PCDHGA5: variants seen among roughly 807,000 people sequenced by gnomAD.
PCDHGA5 encodes protocadherin gamma-A5.
Under a neutral mutation model 56.7 loss-of-function variants are expected in PCDHGA5, and 36 were observed. That is an observed-to-expected ratio of 0.64 (90% CI 0.49 to 0.84). The LOEUF is 0.84. Among genes scored for constraint, PCDHGA5 ranks in the 40% least tolerant of loss-of-function variants. The probability of loss-of-function intolerance (pLI) is 0.00; values close to 1 mark genes in which losing one functional copy is unlikely to be tolerated. For missense variants in PCDHGA5, 1,305 were observed against 1,201.5 expected, an observed-to-expected ratio of 1.09 and a Z score of -1.27; for synonymous variants, 563 against 520.2, an observed-to-expected ratio of 1.08 and a Z score of -1.12.
At chr5:141,503,598 CAAAAAAA>C (rs765754054) in intron 2 of PCDHGA5, among the ~76,000 whole-genome samples, 8 of 65,766 alleles carry the variant, frequency 1.2e-4, no homozygotes, top group South Asian at 1.1e-3. Context: ...GACTCCAGCT[CAAAAAAA>C]AAAAAAAAAG....
rs759095332 is a variant in PCDHGA5, at chr5:141,432,306, C to T, written c.2422-62501C>T. 1 of 1,614,250 alleles carries T rather than the reference C, an allele frequency of 6.2e-7. No homozygotes were observed. On this transcript the variant is annotated intron_variant, in intron 1 of 3. Coordinates refer to ENST00000518069, the MANE Select transcript of PCDHGA5 (RefSeq NM_018918.3). This position sits in a 1 kb window ranked among gnomAD's most constrained non-coding sequence, Gnocchi z 6.0. ...AACTCCGACACTGGGGTACTGTATG[C>T]GCTGAGCTCCTTCGACTACGAGCAG...
At chr5:141,468,487 G>A (rs945439990) in intron 1 of PCDHGA5, 6 of 152,110 alleles carry the variant, frequency 3.9e-5, no homozygotes, top group African/African-American at 1.4e-4. Context: ...TAGGTCTCAT[G>A]GAAGATTTTC....
intron 1 of PCDHGA5, chr5:141,441,550 G>C (rs2098254247): frequency 5.4e-6 from 1 of 184,034 alleles, no homozygotes; most frequent in Non-Finnish European, 1.1e-5. Context: ...AGCCTCCATA[G>C]TGTGCAAGTA....
chr5:141,457,111 G>A (rs922281700), intron 1 of PCDHGA5, among the ~76,000 whole-genome samples: 4 of 152,120 alleles, frequency 2.6e-5, no homozygotes, highest in South Asian at 2.1e-4. Flanking sequence ...AGCAAAATAC[G>A]ACAGCAATGG....
Position 141,489,866 on chromosome 5 carries a change from A to AGCTGGT in PCDHGA5, c.2422-4937_2422-4932dup. ...GATCGTGAAGCCCAGGCAAGACATC[A>AGCTGGT]GCTGGTGCTTACTGCTGTGGATGGG... On this transcript the variant is annotated intron_variant, in intron 1 of 3. Coordinates refer to ENST00000518069, the MANE Select transcript of PCDHGA5 (RefSeq NM_018918.3). The surrounding 1 kb of genome is among the most constrained non-coding windows in gnomAD (Gnocchi z 4.5). The AGCTGGT allele has an allele frequency of 1.2e-6, 2 of 1,614,220 alleles. No individual in the cohort carries two copies. The highest frequency in any genetic ancestry group is 1.7e-6 in the Non-Finnish European group (2 of 1,180,018).
At chr5:141,408,716 A>G in intron 1 of PCDHGA5, 2 of 1,611,732 alleles carry the variant, frequency 1.2e-6, no homozygotes, top group East Asian at 2.2e-5. Context: ...AGATTATAAG[A>G]TAAACTCTAA....
At chr5:141,509,117 G>A (rs1271574654) in intron 3 of PCDHGA5, among the ~76,000 whole-genome samples, 1 of 152,150 alleles carries the variant, frequency 6.6e-6, no homozygotes, top group Admixed American at 6.5e-5. Flanking sequence ...GCGCTGGTGC[G>A]TGAAGAGAAA....
At chr5:141,389,640 G>A in intron 1 of PCDHGA5, 1 of 1,612,974 alleles carries the variant, frequency 6.2e-7, no homozygotes, top group Non-Finnish European at 8.5e-7. Flanking sequence ...TGGCTACTTG[G>A]TGACCAAGGT....
intron 1 of PCDHGA5, chr5:141,395,094 G>A (rs192995605): frequency 6.2e-7 from 1 of 1,614,160 alleles, no homozygotes; most frequent in African/African-American, 1.3e-5. Flanking sequence ...CTCCCTCACC[G>A]CCGACTCGCG....
chr5:141,394,466 C>G lies in PCDHGA5; in HGVS notation c.2421+27715C>G, dbSNP rs765078363. 3.7e-6 allele frequency: 6 copies of G among 1,614,222 alleles called. 1 individual carries two copies. Among genetic ancestry groups the G allele is most frequent in the East Asian group, 4.5e-5 (2 of 44,878 alleles). On this transcript the variant is annotated intron_variant, in intron 1 of 3. Transcript: ENST00000518069. The stretch of plus-strand genomic sequence containing the variant: ...GCAGCAACATGTCACTGAGCCTGTT[C>G]GTGCTGGACCAGAATGACAACGCGC...
intron 1 of PCDHGA5, among the ~76,000 whole-genome samples, chr5:141,463,316 T>A (rs1290852110): frequency 1.3e-5 from 2 of 151,806 alleles, no homozygotes; most frequent in African/African-American, 2.4e-5. Flanking sequence ...TAATATCTAT[T>A]CCTCAACTCA....
Position 141,489,322 on chromosome 5 carries a change from T to C in PCDHGA5, c.2422-5485T>C. The C allele has an allele frequency of 6.2e-7, 1 of 1,601,052 alleles. No individual in the cohort carries two copies. Among genetic ancestry groups the C allele is most frequent in the Non-Finnish European group, 8.5e-7 (1 of 1,172,658 alleles). ...GTCCTTGTGCTGCTGGGGCTGGGTGTCTGGGCAGCTTCGTTACTCAGTGGT... is the reference window on the plus strand; with the variant it reads ...GTCCTTGTGCTGCTGGGGCTGGGTGCCTGGGCAGCTTCGTTACTCAGTGGT... On this transcript the variant is annotated intron_variant, in intron 1 of 3. Coordinates refer to ENST00000518069, the MANE Select transcript of PCDHGA5 (RefSeq NM_018918.3). The surrounding 1 kb of genome is among the most constrained non-coding windows in gnomAD (Gnocchi z 4.5).
intron 1 of PCDHGA5, chr5:141,398,884 G>C: frequency 6.2e-7 from 1 of 1,613,952 alleles, no homozygotes; most frequent in Non-Finnish European, 8.5e-7. Flanking sequence ...CAGCCTTCGG[G>C]AAAACGTGCC....
chr5:141,376,529 C>A (rs536041905), intron 1 of PCDHGA5: 2 of 1,613,656 alleles, frequency 1.2e-6, no homozygotes, highest in Non-Finnish European at 1.7e-6. Context: ...TCCGCCTAAG[C>A]GGGAAGAGTA....
chr5:141,404,592 C>T, intron 1 of PCDHGA5: 1 of 1,614,048 alleles, frequency 6.2e-7, no homozygotes, highest in African/African-American at 1.3e-5. Flanking sequence ...AGCAATGTGT[C>T]ATTGAGACTG....
At chr5:141,370,009 A>G (rs1310003326) in intron 1 of PCDHGA5, among the ~76,000 whole-genome samples, 1 of 152,282 alleles carries the variant, frequency 6.6e-6, no homozygotes, top group Non-Finnish European at 1.5e-5. Flanking sequence ...ATTAAAAGAA[A>G]TAACAGACTA....
intron 1 of PCDHGA5, chr5:141,375,120 A>G (rs2150053387): frequency 6.2e-7 from 1 of 1,613,952 alleles, no homozygotes; most frequent in South Asian, 1.1e-5. Flanking sequence ...AATGTACCAG[A>G]AGTGGTTGTT....
At chr5:141,400,161 T>A (rs1271912348) in intron 1 of PCDHGA5, 1 of 1,614,084 alleles carries the variant, frequency 6.2e-7, no homozygotes, top group South Asian at 1.1e-5. Flanking sequence ...CTGTACCCTC[T>A]GACCCCCAGG....
At chr5:141,435,421 C>T (rs1384040447) in intron 1 of PCDHGA5, among the ~76,000 whole-genome samples, 2 of 152,096 alleles carry the variant, frequency 1.3e-5, no homozygotes, top group Non-Finnish European at 2.9e-5. Context: ...CTATTTTTCA[C>T]TTCTGTTATG....
Sources: gnomAD v4.1 joint callset for allele counts (sites outside exome capture counted in the v4.1 genomes callset) on GRCh38, gnomAD v4.1.1 for gene constraint, Gnocchi (gnomAD v3.1) non-coding constraint, MANE v1.5 for transcripts, NCBI Gene and HGNC (gene_info 2026-07-23, HGNC 2026-07-21) for gene names.